PDE8B: variants seen among roughly 807,000 people sequenced by gnomAD.
PDE8B encodes the protein phosphodiesterase 8B.
Under a neutral mutation model 101.3 loss-of-function variants are expected in PDE8B, and 26 were observed. That is an observed-to-expected ratio of 0.26 (90% confidence interval 0.19 to 0.36). The LOEUF is 0.36. Among genes scored for constraint, PDE8B ranks in the 10% least tolerant of loss-of-function variants. The pLI is 1.00. For synonymous variants in PDE8B, 424 were observed against 429.3 expected, an observed-to-expected ratio of 0.99 and a Z score of 0.15; for missense variants, 810 against 1,163.1, an observed-to-expected ratio of 0.70 and a Z score of 4.42.
chr5:77,231,816 C>T (rs993007039), intron 1 of PDE8B, among the ~76,000 whole-genome samples: 1 of 152,196 alleles, frequency 6.6e-6, no homozygotes, highest in Non-Finnish European at 1.5e-5. Flanking sequence ...CTGGCATAAG[C>T]GGTACTCATG....
chr5:77,400,308 G>T lies in PDE8B; in HGVS notation c.1210+18G>T. 6.7e-7 allele frequency: 1 copy of T among 1,497,410 alleles called. No homozygotes were observed. Among genetic ancestry groups the T allele is most frequent in the South Asian group, 1.1e-5 (1 of 88,536 alleles). The allele number at this position is 1,497,410 out of a possible 1,614,324, so 92.8% of individuals were successfully genotyped here. A position where few individuals can be genotyped will look rare whatever the true frequency, so the allele number is the denominator to read the frequency against. ...TCAGACAGGTGAGAATACTTCAATTGAACTCTAACATACTTAGGAGGCAGC... is the reference window on the plus strand; with the variant it reads ...TCAGACAGGTGAGAATACTTCAATTTAACTCTAACATACTTAGGAGGCAGC... On this transcript the variant is annotated intron_variant, in intron 11 of 21. Coordinates refer to ENST00000264917, the MANE Select transcript of PDE8B (RefSeq NM_003719.5).
intron 5 of PDE8B, among the ~76,000 whole-genome samples, chr5:77,336,441 G>A (rs1317023894): frequency 6.6e-6 from 1 of 152,022 alleles, no homozygotes; most frequent in African/African-American, 2.4e-5. Context: ...TCAATCAATT[G>A]ACCTATTCTA....
Position 77,210,739 on chromosome 5 carries a change from C to T in PDE8B, c.-187C>T. 2.0e-6 allele frequency: 2 copies of T among 981,864 alleles called. No homozygotes were observed. The highest frequency in any genetic ancestry group is 2.4e-6 in the Non-Finnish European group (2 of 828,862). 60.8% of individuals were successfully genotyped at this position (981,864 alleles called of 1,614,324 possible). Reference sequence around the variant, plus strand: ...GGCCCAAAAGGGAAAGTTGGGGTGACGCGCGCGGTCCCCGGAGGCTCGGCG... The same window carrying T: ...GGCCCAAAAGGGAAAGTTGGGGTGATGCGCGCGGTCCCCGGAGGCTCGGCG... On this transcript the variant is annotated 5_prime_UTR_variant, in exon 1 of 22. The change creates a new upstream start codon in the 5' untranslated region. Transcript: ENST00000264917. The surrounding 1 kb of genome is among the most constrained non-coding windows in gnomAD (Gnocchi z 4.9).
chr5:77,199,036 C>G, the PDE8B span, among the ~76,000 whole-genome samples: 2 of 152,138 alleles, frequency 1.3e-5, no homozygotes, highest in African/African-American at 4.8e-5. Flanking sequence ...AGGATTTAGG[C>G]TACGAAATGG....
chr5:77,281,824 A>C (rs2149853648), intron 1 of PDE8B, among the ~76,000 whole-genome samples: 1 of 152,212 alleles, frequency 6.6e-6, no homozygotes, highest in Admixed American at 6.5e-5. Flanking sequence ...AATTTGTGTC[A>C]TTATCACTTC....
intron 1 of PDE8B, among the ~76,000 whole-genome samples, chr5:77,280,946 C>T (rs1385859817): frequency 1.3e-5 from 2 of 152,134 alleles, no homozygotes; most frequent in Admixed American, 1.3e-4. Context: ...CAGACCACCA[C>T]CAGTGCACAG....
At chr5:77,273,192 G>A (rs550935551) in intron 1 of PDE8B, among the ~76,000 whole-genome samples, 10 of 152,264 alleles carry the variant, frequency 6.6e-5, no homozygotes, top group Admixed American at 5.2e-4. Flanking sequence ...TGCAGTGTAC[G>A]TAGCTCCCAT....
At chr5:77,305,066 G>A (rs62364278) in intron 1 of PDE8B, among the ~76,000 whole-genome samples, 1 of 152,158 alleles carries the variant, frequency 6.6e-6, no homozygotes, top group African/African-American at 2.4e-5. Flanking sequence ...TAAAGAAGCA[G>A]GAATTGAAGT....
intron 1 of PDE8B, among the ~76,000 whole-genome samples, chr5:77,222,252 C>T (rs1040077526): frequency 1.3e-5 from 2 of 152,112 alleles, no homozygotes; most frequent in African/African-American, 2.4e-5. Flanking sequence ...CCTGTAAACC[C>T]GCTAGGTTCT....
intron 5 of PDE8B, among the ~76,000 whole-genome samples, chr5:77,335,647 T>C (rs536613717): frequency 1.3e-4 from 19 of 151,948 alleles, no homozygotes; most frequent in Non-Finnish European, 2.2e-4. Flanking sequence ...AAATACATCT[T>C]TCAGCAGGGC....
chr5:77,176,159 C>G, the PDE8B span, among the ~76,000 whole-genome samples: 1 of 152,136 alleles, frequency 6.6e-6, no homozygotes, highest in African/African-American at 2.4e-5. Context: ...CCAGGGTGAC[C>G]AGAAACCGAC....
chr5:77,133,311 A>G, the PDE8B span, among the ~76,000 whole-genome samples: 1 of 152,240 alleles, frequency 6.6e-6, no homozygotes, highest in Admixed American at 6.5e-5. Context: ...GGCCAAGCTC[A>G]GCCTGAATCA....
At chr5:77,155,055 G>A in the PDE8B span, among the ~76,000 whole-genome samples, 7 of 152,278 alleles carry the variant, frequency 4.6e-5, no homozygotes, top group South Asian at 1.5e-3. Context: ...TTGGCTCAAT[G>A]TTGCCCGTGG....
chr5:77,268,544 T>C (rs1762187020), intron 1 of PDE8B, among the ~76,000 whole-genome samples: 1 of 150,998 alleles, frequency 6.6e-6, no homozygotes, highest in African/African-American at 2.4e-5. Flanking sequence ...ACCATCATCC[T>C]ACTCTCTGTC....
chr5:77,354,605 C>T (rs993986540), intron 10 of PDE8B, among the ~76,000 whole-genome samples: 3 of 152,170 alleles, frequency 2.0e-5, no homozygotes, highest in African/African-American at 4.8e-5. Context: ...CTTCTGAACA[C>T]AAGCAGTGCA....
At chr5:77,108,926 G>T in the PDE8B span, among the ~76,000 whole-genome samples, 1 of 152,188 alleles carries the variant, frequency 6.6e-6, no homozygotes, top group African/African-American at 2.4e-5. Flanking sequence ...TTGCTCCAGG[G>T]GTTGGTATGT....
At chr5:77,423,928 C>T (rs1017019429) in intron 20 of PDE8B, among the ~76,000 whole-genome samples, 1 of 151,466 alleles carries the variant, frequency 6.6e-6, no homozygotes, top group Non-Finnish European at 1.5e-5. Flanking sequence ...TGAGCCACCG[C>T]ACCCAGCCTG....
chr5:77,298,557 C>A (rs1580872090), intron 1 of PDE8B, among the ~76,000 whole-genome samples: 2 of 152,208 alleles, frequency 1.3e-5, no homozygotes, highest in African/African-American at 4.8e-5. Context: ...GAAGGCAGAA[C>A]TTTCTAATGA....
intron 1 of PDE8B, among the ~76,000 whole-genome samples, chr5:77,306,606 TG>T (rs1381530114): frequency 2.6e-5 from 4 of 152,232 alleles, no homozygotes; most frequent in African/African-American, 9.6e-5. Flanking sequence ...CCAGGTCAAC[TG>T]CTTTCCTTCC....
Sources: gnomAD v4.1 joint callset for allele counts (sites outside exome capture counted in the v4.1 genomes callset) on GRCh38, gnomAD v4.1.1 for gene constraint, Gnocchi (gnomAD v3.1) non-coding constraint, MANE v1.5 for transcripts, NCBI Gene and HGNC (gene_info 2026-07-23, HGNC 2026-07-21) for gene names.